Variants in STIM2 observed in about 807,000 individuals in gnomAD.
The protein encoded by STIM2 is stromal interaction molecule 2.
STIM2 carries 31 observed loss-of-function variants against 85.8 expected under a neutral mutation model. That is an observed-to-expected ratio of 0.36 (90% confidence interval 0.27 to 0.49). The LOEUF (loss-of-function observed/expected upper bound fraction) is 0.49, where lower values mean the gene tolerates loss of function less well. Ranked by LOEUF, STIM2 falls within the 20% of genes least tolerant of loss-of-function variation. STIM2 has a pLI of 0.98. For synonymous variants in STIM2, 356 were observed against 331.1 expected (o/e 1.08, Z -0.82); for missense variants, 841 against 927.6 (o/e 0.91, Z 1.21).
chr4:26,885,990 C>A (rs1723233440), intron 1 of STIM2, among the ~76,000 whole-genome samples: 1 of 150,996 alleles, frequency 6.6e-6, no homozygotes, highest in South Asian at 2.1e-4. Flanking sequence ...TTTTTAGATA[C>A]TTGAGTTTTA....
rs568099314 is a variant in STIM2, at chr4:26,860,921, C to T, written c.-298C>T. 2 of 963,076 alleles carry T rather than the reference C, an allele frequency of 2.1e-6. No homozygotes were observed. The highest frequency in any genetic ancestry group is 1.1e-4 in the East Asian group (1 of 9,240). 59.7% of individuals were successfully genotyped at this position (963,076 alleles called of 1,614,324 possible). A position where few individuals can be genotyped will look rare whatever the true frequency, so the allele number is the denominator to read the frequency against. ...GAAGACGCCGTACCTTTCTACCCCC[C>T]ACCTTTTTTTTTTTTTTTTTTAAAT... On this transcript the variant is annotated 5_prime_UTR_variant, in exon 1 of 12. Transcript: ENST00000467087.
At chr4:26,907,987 A>G (rs1388893271) in intron 1 of STIM2, among the ~76,000 whole-genome samples, 2 of 152,102 alleles carry the variant, frequency 1.3e-5, no homozygotes, top group East Asian at 1.9e-4. Context: ...GGAATTACCC[A>G]TTTTTGTTGC....
At chr4:26,958,828 G>A (rs935978666) in intron 3 of STIM2, among the ~76,000 whole-genome samples, 2 of 152,122 alleles carry the variant, frequency 1.3e-5, no homozygotes, top group Non-Finnish European at 2.9e-5. Context: ...TTATTGACAC[G>A]ACATAGCTCA....
chr4:26,901,847 A>T (rs1723930857), intron 1 of STIM2, among the ~76,000 whole-genome samples: 1 of 152,126 alleles, frequency 6.6e-6, no homozygotes, highest in Admixed American at 6.6e-5. Flanking sequence ...TGAGAGACTG[A>T]TTATTTGGAG....
Position 27,017,784 on chromosome 4 carries a change from G to A in STIM2, c.1563G>A (p.Pro521=), listed in dbSNP as rs148146721. ...GCCGTTCACGCCGCAGCATTGTGCC[G>A]TCCTCGCCTCAGCCTCAGCGAGCTC... Residue 521 remains proline, a synonymous_variant, in exon 11 of 12, where the codon CCG becomes CCA. Coordinates refer to ENST00000467087, the MANE Select transcript of STIM2 (RefSeq NM_020860.4). 2.7e-5 allele frequency: 43 copies of A among 1,613,856 alleles called. No individual in the cohort carries two copies. Among genetic ancestry groups the A allele is most frequent in the South Asian group, 6.6e-5 (6 of 91,070 alleles).
chr4:26,895,125 T>C (rs1433094104), intron 1 of STIM2, among the ~76,000 whole-genome samples: 1 of 152,170 alleles, frequency 6.6e-6, no homozygotes, highest in African/African-American at 2.4e-5. Context: ...GTTAGGAGAA[T>C]TGCTTGAACT....
chr4:27,002,436 C>A, intron 6 of STIM2, 42 bp downstream of exon 6: 2 of 1,505,684 alleles, frequency 1.3e-6, no homozygotes, highest in Non-Finnish European at 1.8e-6. Flanking sequence ...TAGGCAAATA[C>A]AATTTGTAAA....
intron 1 of STIM2, among the ~76,000 whole-genome samples, chr4:26,911,803 T>C (rs1178304601): frequency 2.0e-5 from 3 of 152,202 alleles, no homozygotes; most frequent in Admixed American, 6.5e-5. Flanking sequence ...TGAAACTCAT[T>C]TTTCTCTAAA....
At chr4:26,936,229 A>G (rs919664760) in intron 2 of STIM2, among the ~76,000 whole-genome samples, 1 of 152,214 alleles carries the variant, frequency 6.6e-6, no homozygotes, top group African/African-American at 2.4e-5. Context: ...TATTTAGTTT[A>G]GTACTTATGT....
chr4:26,935,108 A>C (rs908718082), intron 2 of STIM2, among the ~76,000 whole-genome samples: 7 of 152,078 alleles, frequency 4.6e-5, no homozygotes, highest in Non-Finnish European at 1.0e-4. Flanking sequence ...TCTATTTTAA[A>C]ATTTAATTTA....
chr4:26,992,801 A>C (rs1351255281), intron 3 of STIM2, among the ~76,000 whole-genome samples: 5 of 152,114 alleles, frequency 3.3e-5, no homozygotes, highest in African/African-American at 1.2e-4. Flanking sequence ...GAAGGTGTTT[A>C]CTAAGTATCA....
chr4:26,869,314 A>C (rs1722521969), intron 1 of STIM2, among the ~76,000 whole-genome samples: 1 of 151,750 alleles, frequency 6.6e-6, no homozygotes, highest in African/African-American at 2.4e-5. Flanking sequence ...AAAAAAAAAA[A>C]AAAAAAGGAA....
At chr4:26,907,026 T>A (rs1412163641) in intron 1 of STIM2, among the ~76,000 whole-genome samples, 3 of 151,998 alleles carry the variant, frequency 2.0e-5, no homozygotes, top group Non-Finnish European at 2.9e-5. Context: ...GTAATTGTTT[T>A]GGGTAATTAA....
At chr4:26,877,535 T>C (rs1185004988) in intron 1 of STIM2, among the ~76,000 whole-genome samples, 2 of 151,872 alleles carry the variant, frequency 1.3e-5, no homozygotes, top group Admixed American at 1.3e-4. Context: ...TTTTTCCTTC[T>C]TTAAATGTGT....
At chr4:26,904,759 CTT>C (rs758379549) in intron 1 of STIM2, among the ~76,000 whole-genome samples, 65 of 127,668 alleles carry the variant, frequency 5.1e-4, no homozygotes, top group Non-Finnish European at 5.7e-4. Context: ...AGTGTTTTGT[CTT>C]TTTTTTTTTT....
intron 1 of STIM2, chr4:26,873,674 C>A: frequency 2.7e-6 from 2 of 733,850 alleles, no homozygotes; most frequent in South Asian, 1.4e-5. Flanking sequence ...TCACCACTCT[C>A]TTCTGCCATA....
At chr4:26,947,325 A>C (rs1725869247) in intron 2 of STIM2, among the ~76,000 whole-genome samples, 1 of 152,250 alleles carries the variant, frequency 6.6e-6, no homozygotes, top group South Asian at 2.1e-4. Flanking sequence ...AGTTAATAAA[A>C]GTTTGAGAAT....
chr4:26,910,723 C>T (rs1724304174), intron 1 of STIM2, among the ~76,000 whole-genome samples: 2 of 151,984 alleles, frequency 1.3e-5, no homozygotes, highest in African/African-American at 2.4e-5. Context: ...AAATGAATTG[C>T]ATATTAATAA....
chr4:26,904,115 T>A (rs1210937973), intron 1 of STIM2, among the ~76,000 whole-genome samples: 4 of 98,076 alleles, frequency 4.1e-5, no homozygotes, highest in African/African-American at 1.6e-4. Flanking sequence ...CCCACAACAG[T>A]CCCCAGAGTG....
Sources: allele counts gnomAD v4.1 joint callset (sites outside exome capture counted in the v4.1 genomes callset), GRCh38; gene constraint gnomAD v4.1.1; transcripts MANE v1.5; gene names NCBI Gene and HGNC (gene_info 2026-07-23, HGNC 2026-07-21).